Variants in RBMS3 observed in about 807,000 individuals in gnomAD.
The protein encoded by RBMS3 is RNA-binding motif, single-stranded-interacting protein 3.
In RBMS3, 27 loss-of-function variants were observed where a neutral mutation model predicts 66.8. That is an observed-to-expected ratio of 0.40 (90% CI 0.30 to 0.56). The LOEUF (loss-of-function observed/expected upper bound fraction) is 0.56. Ranked by LOEUF, RBMS3 falls within the 20% of genes least tolerant of loss-of-function variation. The pLI is 0.40. For synonymous variants in RBMS3, 188 were observed against 183.0 expected, an observed-to-expected ratio of 1.03 and a Z score of -0.22; for missense variants, 513 against 549.5, an observed-to-expected ratio of 0.93 and a Z score of 0.66.
At chr3:29,474,345 G>C (rs2042872785) in intron 2 of RBMS3, among the ~76,000 whole-genome samples, 1 of 152,072 alleles carries the variant, frequency 6.6e-6, no homozygotes, top group South Asian at 2.1e-4. Flanking sequence ...TAAGCATTTG[G>C]GTAGTTTCCA....
chr3:29,432,085 G>C (rs375303583), intron 1 of RBMS3, among the ~76,000 whole-genome samples: 6 of 152,060 alleles, frequency 3.9e-5, no homozygotes, highest in African/African-American at 1.4e-4. Context: ...GGGCATAAAA[G>C]GTGAAACATG....
At chr3:29,508,066 T>C (rs2044254473) in intron 3 of RBMS3, among the ~76,000 whole-genome samples, 1 of 152,182 alleles carries the variant, frequency 6.6e-6, no homozygotes, top group African/African-American at 2.4e-5. Flanking sequence ...TTATTTGGAA[T>C]GAGATGTCAA....
rs1699728887 is a variant in RBMS3, at chr3:30,004,042, T to C, written c.*180T>C. ...GCAAAGTTTTTATGTGCTGTGCAAA[T>C]GGTCTTCATGTGGTCTGACAATTTA... is the stretch of plus-strand genomic sequence containing the variant. On this transcript the variant is annotated 3_prime_UTR_variant, in exon 15 of 15. Transcript: ENST00000383767. 1 of 405,460 alleles carries C rather than the reference T, an allele frequency of 2.5e-6. No homozygotes were observed. The highest frequency in any genetic ancestry group is 2.1e-5 in the African/African-American group (1 of 48,458). 25.1% of individuals were successfully genotyped at this position (405,460 alleles called of 1,614,324 possible). A position where few individuals can be genotyped will look rare whatever the true frequency, so the allele number is the denominator to read the frequency against.
chr3:29,570,219 A>G (rs1184259454), intron 3 of RBMS3, among the ~76,000 whole-genome samples: 1 of 152,046 alleles, frequency 6.6e-6, no homozygotes, highest in East Asian at 1.9e-4. Flanking sequence ...ATGTATATAT[A>G]TTTATGAGGT....
chr3:29,455,097 C>T (rs1384280626), intron 2 of RBMS3, among the ~76,000 whole-genome samples: 3 of 152,180 alleles, frequency 2.0e-5, no homozygotes. Context: ...AACTCACATG[C>T]ATTTCATAAT....
intron 1 of RBMS3, among the ~76,000 whole-genome samples, chr3:29,379,779 T>C (rs1261874615): frequency 6.6e-6 from 1 of 152,208 alleles, no homozygotes; most frequent in African/African-American, 2.4e-5. Flanking sequence ...AAGCTGGTTA[T>C]GAGATTTATC....
chr3:29,876,858 G>C (rs1332961283), intron 7 of RBMS3, among the ~76,000 whole-genome samples: 1 of 151,870 alleles, frequency 6.6e-6, no homozygotes, highest in Non-Finnish European at 1.5e-5. Flanking sequence ...GAGACCAACA[G>C]GTACAAAGGC....
intron 4 of RBMS3, among the ~76,000 whole-genome samples, chr3:29,688,231 A>G (rs1231347319): frequency 6.6e-6 from 1 of 152,230 alleles, no homozygotes; most frequent in Non-Finnish European, 1.5e-5. Flanking sequence ...CAATCTTCCA[A>G]TGCTTTTATG....
At chr3:29,766,684 A>G (rs1167847092) in intron 6 of RBMS3, 2 of 151,942 alleles carry the variant, frequency 1.3e-5, no homozygotes, top group African/African-American at 2.4e-5. Context: ...ACCTCTGTTC[A>G]TTTTAGATTA....
chr3:29,840,055 T>C (rs1245560993), intron 6 of RBMS3, among the ~76,000 whole-genome samples: 1 of 152,088 alleles, frequency 6.6e-6, no homozygotes, highest in Non-Finnish European at 1.5e-5. Flanking sequence ...CCTATCCTTC[T>C]CCCTTTCTCT....
intron 5 of RBMS3, among the ~76,000 whole-genome samples, chr3:29,748,313 G>A (rs1466784729): frequency 6.6e-6 from 1 of 151,996 alleles, no homozygotes; most frequent in Admixed American, 6.6e-5. Context: ...GGTGTAATAG[G>A]TAATAATGTC....
In RBMS3 at chr3:29,434,902, A is replaced by G; in HGVS notation, c.235A>G (p.Lys79Glu). 4 of 1,613,360 alleles carry G rather than the reference A, an allele frequency of 2.5e-6. No individual in the cohort carries two copies. The highest frequency in any genetic ancestry group is 3.4e-6 in the Non-Finnish European group (4 of 1,179,650). ...AGGCACCACTGACCAGGACCTAATC[A>G]AGCTGTGCCAACCGTAAGTGTCCTT... ...PPGTTDQDLI[K>E]LCQPYGKIVS... The change falls in exon 2 of 15, where the codon AAG becomes GAG. Residue 79 changes from lysine to glutamate, a missense_variant. Physicochemically the swap from Lys to Glu is moderately conservative, Grantham distance 56. Transcript: ENST00000383767.
At chr3:29,292,155 T>G (rs1168120754) in intron 1 of RBMS3, among the ~76,000 whole-genome samples, 2 of 151,804 alleles carry the variant, frequency 1.3e-5, no homozygotes, top group Non-Finnish European at 2.9e-5. Flanking sequence ...TCACTGAATT[T>G]CATCAGCAGA....
At chr3:29,491,599 A>C (rs2043545980) in intron 3 of RBMS3, among the ~76,000 whole-genome samples, 1 of 152,210 alleles carries the variant, frequency 6.6e-6, no homozygotes, top group African/African-American at 2.4e-5. Flanking sequence ...AAAAGGAGTA[A>C]GAGAAGGAGG....
chr3:29,945,898 C>G (rs1480366415), intron 12 of RBMS3, among the ~76,000 whole-genome samples: 3 of 151,582 alleles, frequency 2.0e-5, no homozygotes, highest in Admixed American at 2.0e-4. Flanking sequence ...GAAACTGAAT[C>G]TGAAAGTTTT....
At chr3:29,849,738 T>A (rs1289815999) in intron 6 of RBMS3, among the ~76,000 whole-genome samples, 1 of 152,192 alleles carries the variant, frequency 6.6e-6, no homozygotes, top group Non-Finnish European at 1.5e-5. Flanking sequence ...AGAAATATTT[T>A]AACAGCAAGA....
chr3:29,612,626 C>T lies in RBMS3; in HGVS notation c.399+25421C>T, dbSNP rs113858312. Among the ~76,000 whole-genome samples, 648 of 151,928 alleles carry T rather than the reference C, an allele frequency of 4.3e-3. 2 individuals carry two copies. Among genetic ancestry groups the T allele is most frequent in the Non-Finnish European group, 8.2e-3 (557 of 67,886 alleles). On this transcript the variant is annotated intron_variant, in intron 4 of 14. Coordinates refer to ENST00000383767, the MANE Select transcript of RBMS3 (RefSeq NM_001003793.3). ...TTCTACCACCAAGATGAAAAAGTAG[C>T]CATGTAAGGGAGATGTTTTGAGAAC... is the stretch of plus-strand genomic sequence containing the variant.
chr3:29,995,532 CA>C (rs1457479843), intron 14 of RBMS3, among the ~76,000 whole-genome samples: 1 of 150,876 alleles, frequency 6.6e-6, no homozygotes, highest in Admixed American at 6.7e-5. Context: ...GGGTTACCCT[CA>C]AAGGGAAGCC....
At chr3:29,325,350 T>C (rs1189759588) in intron 1 of RBMS3, among the ~76,000 whole-genome samples, 1 of 152,088 alleles carries the variant, frequency 6.6e-6, no homozygotes, top group Non-Finnish European at 1.5e-5. Context: ...TGAGGAATAG[T>C]AGAAAGGGAG....
Sources: allele counts gnomAD v4.1 joint callset (sites outside exome capture counted in the v4.1 genomes callset), GRCh38; gene constraint gnomAD v4.1.1; transcripts MANE v1.5; gene names NCBI Gene and HGNC (gene_info 2026-07-23, HGNC 2026-07-21).